PTDSS2: variants seen among roughly 807,000 people sequenced by gnomAD.
The protein encoded by PTDSS2 is PSS-2.
Under a neutral mutation model 64.7 loss-of-function variants are expected in PTDSS2, and 41 were observed. The observed-to-expected ratio is 0.63, with a 90% confidence interval of 0.49 to 0.82. The LOEUF (loss-of-function observed/expected upper bound fraction) is 0.82. Ranked by LOEUF, PTDSS2 falls within the 40% of genes least tolerant of loss-of-function variation. PTDSS2 has a pLI of 0.00. For synonymous variants in PTDSS2, 297 were observed against 277.8 expected (o/e 1.07, Z -0.69); for missense variants, 485 against 650.0 (o/e 0.75, Z 2.76).
At chr11:474,000 G>T in intron 3 of PTDSS2, 23 bp downstream of exon 3, 1 of 1,569,462 alleles carries the variant, frequency 6.4e-7, no homozygotes, top group Non-Finnish European at 8.8e-7. Flanking sequence ...TTCCTTTTCC[G>T]TGTGCCCCTG....
intron 1 of PTDSS2, 113 bp downstream of exon 1, chr11:450,750 C>A: frequency 2.0e-6 from 2 of 986,604 alleles, no homozygotes. Flanking sequence ...GAGTCCAGGA[C>A]TGTGGCCGGG....
intron 3 of PTDSS2, among the ~76,000 whole-genome samples, chr11:478,023 G>A (rs527516439): frequency 2.6e-5 from 4 of 152,268 alleles, no homozygotes; most frequent in African/African-American, 9.6e-5. Context: ...GGCCTCCTGC[G>A]TTTAGTCCGA....
At chr11:452,620 G>A (rs1385116795) in intron 1 of PTDSS2, among the ~76,000 whole-genome samples, 3 of 152,208 alleles carry the variant, frequency 2.0e-5, no homozygotes, top group African/African-American at 7.2e-5. Context: ...TGGGTCTTCT[G>A]GGTGGGTGGC....
chr11:485,999 CAGT>C (rs1848357320), intron 4 of PTDSS2, among the ~76,000 whole-genome samples: 1 of 138,072 alleles, frequency 7.2e-6, no homozygotes, highest in South Asian at 2.3e-4. Flanking sequence ...CGAGCGTAAG[CAGT>C]GCACGGGCGC....
In PTDSS2 at chr11:460,259, A is replaced by G. The variant is rs775949832; in HGVS notation, c.255A>G (p.Thr85=). 48 of 1,613,902 alleles carry G rather than the reference A, an allele frequency of 3.0e-5. No individual in the cohort carries two copies. Among genetic ancestry groups the G allele is most frequent in the Admixed American group, 8.3e-5 (5 of 59,992 alleles). ...GCTATGTGACGCTGCTGGAGGAAAC[A>G]CCTCAGGACACGGCCTACAACACCA... is the stretch of plus-strand genomic sequence containing the variant. ...TLGYVTLLEE[T]PQDTAYNTKR... is the part of the protein sequence containing the mutation. The change falls in exon 2 of 12, where the codon ACA becomes ACG. Residue 85 remains threonine, a synonymous_variant. Transcript: ENST00000308020. This position sits in a 1 kb window ranked among gnomAD's most constrained non-coding sequence, Gnocchi z 5.8.
chr11:463,144 G>A (rs1344919008), intron 2 of PTDSS2: 6 of 141,868 alleles, frequency 4.2e-5, no homozygotes, highest in South Asian at 2.2e-4. Flanking sequence ...TCCACCTGCC[G>A]AAAAAGCGAG....
chr11:484,035 G>A (rs778302803), intron 4 of PTDSS2, among the ~76,000 whole-genome samples: 19 of 152,170 alleles, frequency 1.2e-4, no homozygotes, highest in African/African-American at 3.4e-4. Flanking sequence ...GCGTCTGCAC[G>A]TTGCCAGGAA....
intron 7 of PTDSS2, 107 bp from the exon 8 acceptor site, chr11:488,422 G>C (rs940050086): frequency 7.6e-7 from 1 of 1,317,642 alleles, no homozygotes; most frequent in Non-Finnish European, 1.1e-6. Context: ...GGGGGGCAGT[G>C]GGTGCAGGCT....
At chr11:465,443 G>T (rs1847099528) in intron 2 of PTDSS2, among the ~76,000 whole-genome samples, 1 of 152,190 alleles carries the variant, frequency 6.6e-6, no homozygotes, top group Non-Finnish European at 1.5e-5. Flanking sequence ...AAACTGCTGG[G>T]ATTACAGATG....
rs1848639728 is a variant in PTDSS2 at position 490,762 on chromosome 11, A to G, written c.*180A>G. 1 of 604,472 alleles carries G rather than the reference A, an allele frequency of 1.7e-6. No individual in the cohort carries two copies. Among genetic ancestry groups the G allele is most frequent in the Non-Finnish European group, 2.9e-6 (1 of 347,238 alleles). 37.4% of individuals were successfully genotyped at this position (604,472 alleles called of 1,614,324 possible). A position where few individuals can be genotyped will look rare whatever the true frequency, so the allele number is the denominator to read the frequency against. ...GAGGCCCCAGCACAGCCTCATCTCC[A>G]TGTGTACACGTGTGTACGTGTGTAT... is the stretch of plus-strand genomic sequence containing the variant. On this transcript the variant is annotated 3_prime_UTR_variant, in exon 12 of 12. Coordinates refer to ENST00000308020, the MANE Select transcript of PTDSS2 (RefSeq NM_030783.3).
At chr11:486,255 A>G (rs1590686071) in intron 4 of PTDSS2, among the ~76,000 whole-genome samples, 1 of 141,982 alleles carries the variant, frequency 7.0e-6, no homozygotes, top group African/African-American at 2.7e-5. Flanking sequence ...CACAAGGGCG[A>G]CTCCTGTGAG....
Position 479,290 on chromosome 11 carries a change from A to T in PTDSS2, c.435+138A>T, listed in dbSNP as rs1274936643. ...GGCTAGACCCCCACAAAGTAGGCCGAGCTGCGGGGGGTCTCCAGGAGCATC... is the reference window on the plus strand; with the variant it reads ...GGCTAGACCCCCACAAAGTAGGCCGTGCTGCGGGGGGTCTCCAGGAGCATC... On this transcript the variant is annotated intron_variant, in intron 4 of 11. Transcript: ENST00000308020. This position sits in a 1 kb window ranked among gnomAD's most constrained non-coding sequence, Gnocchi z 4.2. 1.6e-5 allele frequency: 13 copies of T among 790,516 alleles called. No individual in the cohort carries two copies. Among genetic ancestry groups the T allele is most frequent in the Non-Finnish European group, 2.9e-5 (13 of 446,262 alleles). The allele number at this position is 790,516 out of a possible 1,614,324, so 49.0% of individuals were successfully genotyped here.
chr11:486,699 C>T (rs1381178362), intron 4 of PTDSS2, among the ~76,000 whole-genome samples: 2 of 151,932 alleles, frequency 1.3e-5, no homozygotes, highest in Non-Finnish European at 2.9e-5. Flanking sequence ...AAAAAAAATA[C>T]TAGCCGGGCG....
rs760649316 is a variant in PTDSS2, at chr11:489,988, C to G, written c.1221C>G (p.Ser407=). Residue 407 remains serine, a synonymous_variant, in exon 11 of 12, where the codon TCC becomes TCG. Transcript: ENST00000308020. ...ACGACCCCCACACGCTCACCCTGTC[C>G]CTGCCCTTCTACATCTCCCAGTGCT... The part of the protein sequence containing the change: ...VKYDPHTLTL[S]LPFYISQCWT... 49 of 1,612,382 alleles carry G rather than the reference C, an allele frequency of 3.0e-5. No homozygotes were observed. The East Asian group carries it at 1.0e-3, about 34-fold the overall frequency.
chr11:452,063 G>A (rs1321182405), intron 1 of PTDSS2, among the ~76,000 whole-genome samples: 2 of 152,180 alleles, frequency 1.3e-5, no homozygotes, highest in Admixed American at 1.3e-4. Context: ...GAGTCTCTGA[G>A]GTCCTGGAGC....
chr11:458,561 G>A (rs1196821151), intron 1 of PTDSS2: 2 of 138,832 alleles, frequency 1.4e-5, no homozygotes, highest in Admixed American at 7.7e-5. Context: ...TCCCAGGCTA[G>A]AGTGCAGTGG....
At chr11:485,993 C>T (rs1322668270) in intron 4 of PTDSS2, among the ~76,000 whole-genome samples, 3 of 128,556 alleles carry the variant, frequency 2.3e-5, no homozygotes, top group South Asian at 5.1e-4. Flanking sequence ...CGCAGGCGAG[C>T]GTAAGCAGTG....
Position 470,029 on chromosome 11 carries a change from A to G in PTDSS2, c.285-3866A>G, listed in dbSNP as rs1847345857. 6.6e-6 allele frequency among the ~76,000 whole-genome samples: 1 copy of G among 152,232 alleles called. No homozygotes were observed. Among genetic ancestry groups the G allele is most frequent in the African/African-American group, 2.4e-5 (1 of 41,454 alleles). On this transcript the variant is annotated intron_variant, in intron 2 of 11. Transcript: ENST00000308020. This position sits in a 1 kb window ranked among gnomAD's most constrained non-coding sequence, Gnocchi z 5.3. Reference sequence around the variant, plus strand: ...TGAGTAAATAAACAGAGGGAACAAGACCAACCTTCCCTGCAGAAGGTTTTC... The same window carrying G: ...TGAGTAAATAAACAGAGGGAACAAGGCCAACCTTCCCTGCAGAAGGTTTTC...
rs766106930 is a variant in PTDSS2, at chr11:487,036, A to T, written c.533A>T (p.Asp178Val). Reference sequence around the variant, plus strand: ...TACGGGGGAAACTGCCTCATCTACGACCCAGACAATGAGACTGACCCCTTT... The same window carrying T: ...TACGGGGGAAACTGCCTCATCTACGTCCCAGACAATGAGACTGACCCCTTT... ...RDYGGNCLIY[D>V]PDNETDPFHN... Residue 178 changes from aspartate to valine, a missense_variant, in exon 5 of 12, where the codon GAC (aspartate) becomes GTC (valine). This residue lies in a region of PTDSS2 where 251 missense variants were observed against 348.0 expected (regional missense o/e 0.72). Coordinates refer to ENST00000308020, the MANE Select transcript of PTDSS2 (RefSeq NM_030783.3). 5.6e-6 allele frequency: 9 copies of T among 1,613,432 alleles called. No homozygotes were observed. In the East Asian group the frequency reaches 2.0e-4, roughly 36 times the overall value.
Sources: allele counts gnomAD v4.1 joint callset (sites outside exome capture counted in the v4.1 genomes callset), GRCh38; gene constraint gnomAD v4.1.1; regional missense constraint gnomAD v4.1.1; non-coding constraint Gnocchi (gnomAD v3.1); transcripts MANE v1.5; gene names NCBI Gene and HGNC (gene_info 2026-07-23, HGNC 2026-07-21).